The following TSHZ2 variants were observed in gnomAD, a reference collection of about 807,000 sequenced individuals.
TSHZ2 encodes teashirt zinc finger homeobox 2.
TSHZ2 carries 21 observed loss-of-function variants against 74.4 expected under a neutral mutation model. The observed-to-expected ratio is 0.28, with a 90% CI of 0.20 to 0.41. TSHZ2 has a LOEUF of 0.41. Ranked by LOEUF, TSHZ2 falls within the 10% of genes least tolerant of loss-of-function variation. The pLI is 1.00. For missense variants in TSHZ2, 1,244 were observed against 1,293.5 expected, an observed-to-expected ratio of 0.96 and a Z score of 0.59; for synonymous variants, 540 against 515.3, an observed-to-expected ratio of 1.05 and a Z score of -0.65.
At chr20:53,369,256 C>A (rs983531030) in intron 2 of TSHZ2, among the ~76,000 whole-genome samples, 21 of 152,096 alleles carry the variant, frequency 1.4e-4, no homozygotes, top group African/African-American at 3.1e-4. Context: ...CAAAGCCAGA[C>A]CTTGTCTCAA....
chr20:53,160,939 A>C (rs1432195553), intron 1 of TSHZ2, among the ~76,000 whole-genome samples: 1 of 151,858 alleles, frequency 6.6e-6, no homozygotes, highest in Non-Finnish European at 1.5e-5. Flanking sequence ...AATTTCCACT[A>C]ATCTATTAAT....
chr20:53,377,468 C>T (rs1981697799), intron 2 of TSHZ2, among the ~76,000 whole-genome samples: 1 of 152,186 alleles, frequency 6.6e-6, no homozygotes, highest in African/African-American at 2.4e-5. Flanking sequence ...TGTCAGCAAA[C>T]TCATTCTTTA....
At chr20:53,442,594 A>ACC (rs534693606) in intron 2 of TSHZ2, among the ~76,000 whole-genome samples, 1 of 151,390 alleles carries the variant, frequency 6.6e-6, no homozygotes, top group African/African-American at 2.4e-5. Context: ...CTGTCTGCGA[A>ACC]CCCCCCATCA....
chr20:53,313,703 T>C (rs1056880376), intron 2 of TSHZ2, among the ~76,000 whole-genome samples: 4 of 152,232 alleles, frequency 2.6e-5, no homozygotes, highest in Admixed American at 2.0e-4. Context: ...TTCTTGTACT[T>C]TGTTAACCTG....
At chr20:53,226,353 T>C (rs1315950283) in intron 1 of TSHZ2, among the ~76,000 whole-genome samples, 1 of 152,108 alleles carries the variant, frequency 6.6e-6, no homozygotes, top group Non-Finnish European at 1.5e-5. Flanking sequence ...AAATGAAATA[T>C]TGTATGCAAA....
chr20:53,055,942 A>ACTATTTAC (rs1984626095), intron 1 of TSHZ2, among the ~76,000 whole-genome samples: 1 of 152,200 alleles, frequency 6.6e-6, no homozygotes, highest in Admixed American at 6.5e-5. Context: ...TGAGTCCCAA[A>ACTATTTAC]CTATTTACTA....
At chr20:53,468,203 T>C (rs1314323113) in intron 2 of TSHZ2, among the ~76,000 whole-genome samples, 1 of 152,144 alleles carries the variant, frequency 6.6e-6, no homozygotes, top group African/African-American at 2.4e-5. Flanking sequence ...TTTATTTAGA[T>C]TGACATACCT....
At chr20:53,029,530 G>T (rs1045361829) in intron 1 of TSHZ2, among the ~76,000 whole-genome samples, 3 of 152,158 alleles carry the variant, frequency 2.0e-5, no homozygotes, top group African/African-American at 7.2e-5. Flanking sequence ...ACAACAATTA[G>T]CTGGGCGTGG....
intron 1 of TSHZ2, among the ~76,000 whole-genome samples, chr20:52,979,945 T>C (rs1038527097): frequency 6.6e-5 from 10 of 152,212 alleles, no homozygotes; most frequent in African/African-American, 2.4e-4. Context: ...GCATTTGTCT[T>C]GAATTCTGCT....
intron 1 of TSHZ2, among the ~76,000 whole-genome samples, chr20:53,006,164 G>A (rs79011518): frequency 4.8e-3 from 733 of 152,302 alleles, no homozygotes; most frequent in Non-Finnish European, 7.2e-3. Flanking sequence ...AAAAGTGCAT[G>A]AGTTGATCTG....
chr20:53,364,014 G>A (rs957000955), intron 2 of TSHZ2, among the ~76,000 whole-genome samples: 2 of 152,228 alleles, frequency 1.3e-5, no homozygotes, highest in African/African-American at 4.8e-5. Flanking sequence ...TATGGATGGT[G>A]TTAAATAGTA....
chr20:53,327,995 A>G (rs1165755502), intron 2 of TSHZ2, among the ~76,000 whole-genome samples: 1 of 152,184 alleles, frequency 6.6e-6, no homozygotes, highest in African/African-American at 2.4e-5. Flanking sequence ...AGCAAGTGGG[A>G]AGAGGCCAAC....
chr20:53,091,378 T>C (rs1322718205), intron 1 of TSHZ2, among the ~76,000 whole-genome samples: 1 of 152,198 alleles, frequency 6.6e-6, no homozygotes, highest in African/African-American at 2.4e-5. Context: ...TCTAGGTTTG[T>C]ATGCCGCTCC....
intron 1 of TSHZ2, among the ~76,000 whole-genome samples, chr20:53,015,336 C>G (rs909495381): frequency 6.6e-6 from 1 of 152,254 alleles, no homozygotes; most frequent in Admixed American, 6.5e-5. Context: ...CAACTGGGAC[C>G]ATTTGCATCC....
intron 2 of TSHZ2, among the ~76,000 whole-genome samples, chr20:53,459,543 T>C (rs1203359440): frequency 1.4e-5 from 2 of 144,238 alleles, no homozygotes; most frequent in Non-Finnish European, 1.5e-5. Flanking sequence ...AATTGGAGCA[T>C]TTAGTCCATT....
chr20:53,354,172 G>C (rs975403974), intron 2 of TSHZ2, among the ~76,000 whole-genome samples: 1 of 152,232 alleles, frequency 6.6e-6, no homozygotes, highest in East Asian at 1.9e-4. Flanking sequence ...ACTTTGAAGT[G>C]TAACGACGTA....
chr20:53,302,109 C>T (rs1222002348), intron 2 of TSHZ2, among the ~76,000 whole-genome samples: 1 of 152,180 alleles, frequency 6.6e-6, no homozygotes. Flanking sequence ...GGCTCATTCT[C>T]TGTGCCAGTC....
chr20:53,054,074 G>A (rs1331710876), intron 1 of TSHZ2, among the ~76,000 whole-genome samples: 1 of 152,230 alleles, frequency 6.6e-6, no homozygotes, highest in Non-Finnish European at 1.5e-5. Flanking sequence ...AGACATCGAA[G>A]TCAGATCCGG....
intron 2 of TSHZ2, among the ~76,000 whole-genome samples, chr20:53,308,090 C>T (rs6097352): frequency 0.046 from 6,943 of 152,306 alleles, 260 homozygotes; most frequent in East Asian, 0.22. Flanking sequence ...GAAACTGCAT[C>T]TTTCCGAGAG....
Sources: gnomAD v4.1 joint callset for allele counts (sites outside exome capture counted in the v4.1 genomes callset) on GRCh38, gnomAD v4.1.1 for gene constraint, MANE v1.5 for transcripts, NCBI Gene and HGNC (gene_info 2026-07-23, HGNC 2026-07-21) for gene names.